ACSL4: variants seen among roughly 807,000 people sequenced by gnomAD.
The protein encoded by ACSL4 is acyl-CoA synthetase long chain family member 4.
Under a neutral mutation model 49.1 loss-of-function variants are expected in ACSL4, and 9 were observed. The ratio of observed to expected loss-of-function variants is 0.18; its 90% CI spans 0.11 to 0.32. The LOEUF is 0.32. Among genes scored for constraint, ACSL4 ranks in the 10% least tolerant of loss-of-function variants. The pLI is 1.00. For missense variants in ACSL4, 333 were observed against 493.7 expected, an observed-to-expected ratio of 0.67 and a Z score of 3.08; for synonymous variants, 191 against 170.3, an observed-to-expected ratio of 1.12 and a Z score of -0.95.
At chrX:109,726,082 A>G (rs1433631264) in intron 1 of ACSL4, among the ~76,000 whole-genome samples, 1 of 111,996 alleles carries the variant, frequency 8.9e-6, no homozygotes, top group Non-Finnish European at 1.9e-5. Context: ...CCCCACTCAT[A>G]TATTGTCAGG....
chrX:109,646,345 G>A (rs1322442948), intron 15 of ACSL4, among the ~76,000 whole-genome samples: 10 of 111,993 alleles, frequency 8.9e-5, no homozygotes, highest in African/African-American at 2.9e-4. Flanking sequence ...CTACAAGCCA[G>A]AAGAGAGTGG....
Position 109,670,674 on chromosome X carries a change from G to A in ACSL4, c.1003-1501C>T, listed in dbSNP as rs771934340. 4.3e-4 allele frequency among the ~76,000 whole-genome samples: 47 copies of A among 109,585 alleles called. 2 individuals are homozygous for A. Among genetic ancestry groups the A allele is most frequent in the Non-Finnish European group, 2.1e-4 (11 of 52,463 alleles). On this transcript the variant is annotated intron_variant, in intron 9 of 15. Transcript: ENST00000672401. ...CTTTGCACGGTCTCCCTCTGATGCC[G>A]AGCGGAGGCTGGACTGTACTGCCGC...
intron 15 of ACSL4, among the ~76,000 whole-genome samples, chrX:109,645,364 C>A (rs1310288763): frequency 8.9e-6 from 1 of 112,265 alleles, no homozygotes; most frequent in Non-Finnish European, 1.9e-5. Context: ...GTCCCTGACC[C>A]CTGACCCCCG....
At chrX:109,683,470 T>G in intron 2 of ACSL4, 95 bp from the exon 3 acceptor site, 2 of 1,208,613 alleles carry the variant, frequency 1.7e-6, no homozygotes, top group Non-Finnish European at 2.2e-6. Flanking sequence ...GGTGAGCACA[T>G]TTAGCTTAAG....
intron 1 of ACSL4, among the ~76,000 whole-genome samples, chrX:109,708,965 G>A (rs1926557970): frequency 9.0e-6 from 1 of 111,680 alleles, no homozygotes; most frequent in Admixed American, 9.5e-5. Context: ...ATCATGAGGG[G>A]TTCTGCACAG....
chrX:109,659,190 T>C (rs1226569357), intron 15 of ACSL4, among the ~76,000 whole-genome samples, 164 bp downstream of exon 15: 4 of 112,201 alleles, frequency 3.6e-5, no homozygotes. Flanking sequence ...CTATATGACA[T>C]TGAAGGATCC....
At chrX:109,644,546 T>C (rs1192677555) in intron 15 of ACSL4, among the ~76,000 whole-genome samples, 2 of 112,099 alleles carry the variant, frequency 1.8e-5, no homozygotes, top group Non-Finnish European at 3.8e-5. Flanking sequence ...AGAGACTTTA[T>C]ATTTGCCTGA....
At chrX:109,657,554 T>C (rs1921784472) in intron 15 of ACSL4, among the ~76,000 whole-genome samples, 1 of 111,327 alleles carries the variant, frequency 9.0e-6, no homozygotes, top group African/African-American at 3.3e-5. Flanking sequence ...AACTCATCCT[T>C]TTTTATGGCT....
chrX:109,666,743 C>T (rs78451141), intron 11 of ACSL4, among the ~76,000 whole-genome samples: 3 of 111,509 alleles, frequency 2.7e-5, no homozygotes, highest in Middle Eastern at 4.6e-3. Flanking sequence ...GGTAAAACCC[C>T]GCTTCTACTA....
chrX:109,718,930 T>G (rs1927336790), intron 1 of ACSL4, among the ~76,000 whole-genome samples: 1 of 111,513 alleles, frequency 9.0e-6, no homozygotes, highest in African/African-American at 3.3e-5. Flanking sequence ...TGTCCTAGTA[T>G]GGCATCCACC....
At chrX:109,646,026 A>G (rs900491675) in intron 15 of ACSL4, among the ~76,000 whole-genome samples, 3 of 112,098 alleles carry the variant, frequency 2.7e-5, no homozygotes, top group Non-Finnish European at 5.6e-5. Context: ...CTATGTGAAA[A>G]GACCAAATCT....
intron 15 of ACSL4, among the ~76,000 whole-genome samples, chrX:109,651,355 C>T (rs1921123452): frequency 8.9e-6 from 1 of 112,142 alleles, no homozygotes; most frequent in African/African-American, 3.2e-5. Flanking sequence ...GCACAAAGAA[C>T]TCACATTCAC....
At chrX:109,694,498 AAAAG>A (rs1925276804) in intron 2 of ACSL4, among the ~76,000 whole-genome samples, 1 of 111,626 alleles carries the variant, frequency 9.0e-6, no homozygotes, top group South Asian at 3.7e-4. Context: ...CAAAAAATGT[AAAAG>A]AAAGAATTAG....
Position 109,721,447 on chromosome X carries a change from AG to A in ACSL4, c.-66+11691del, listed in dbSNP as rs766535045. On this transcript the variant is annotated intron_variant, in intron 1 of 15. Coordinates refer to ENST00000672401, the MANE Select transcript of ACSL4 (RefSeq NM_001318510.2). Reference sequence around the variant, plus strand: ...TAAAACAGAATACCTAAGAAAAAACAGGGGCCAGGCGTGGTGGCTCATGCCT... The same window carrying A: ...TAAAACAGAATACCTAAGAAAAAACAGGGCCAGGCGTGGTGGCTCATGCCT... 1.2e-4 allele frequency among the ~76,000 whole-genome samples: 13 copies of A among 112,374 alleles called. 3 individuals are homozygous for A. Among genetic ancestry groups the A allele is most frequent in the South Asian group, 1.1e-3 (3 of 2,741 alleles).
chrX:109,682,406 C>G (rs1322125998), intron 4 of ACSL4, among the ~76,000 whole-genome samples: 2 of 109,575 alleles, frequency 1.8e-5, no homozygotes, highest in African/African-American at 3.3e-5. Flanking sequence ...AATCATTACT[C>G]TTTGTATATC....
intron 15 of ACSL4, among the ~76,000 whole-genome samples, chrX:109,653,272 T>C (rs1167466647): frequency 9.0e-6 from 1 of 111,679 alleles, no homozygotes; most frequent in Non-Finnish European, 1.9e-5. Flanking sequence ...TCACACCAGT[T>C]AGAATGGCAA....
chrX:109,709,426 G>A (rs1036114933), intron 1 of ACSL4, among the ~76,000 whole-genome samples: 1 of 112,684 alleles, frequency 8.9e-6, no homozygotes, highest in African/African-American at 3.2e-5. Context: ...CATTACAAAT[G>A]TGTACTAGCT....
chrX:109,663,441 C>A lies in ACSL4; in HGVS notation c.1391-39G>T, dbSNP rs184411309. 4,948 of 1,119,328 alleles carry A rather than the reference C, an allele frequency of 4.4e-3. 240 individuals carry two copies. The Admixed American group carries it at 0.1, about 24-fold the overall frequency. The allele number at this position is 1,119,328 out of a possible 1,213,427, so 92.2% of individuals were successfully genotyped here. A position where few individuals can be genotyped will look rare whatever the true frequency, so the allele number is the denominator to read the frequency against. On this transcript the variant is annotated intron_variant, in intron 12 of 15. Coordinates refer to ENST00000672401, the MANE Select transcript of ACSL4 (RefSeq NM_001318510.2). Reference sequence around the variant, plus strand: ...AAGTAAATTAGTTATTGTTCTACAACAAATTTCATTAATTCTTAAAGCTTA... The same window carrying A: ...AAGTAAATTAGTTATTGTTCTACAAAAAATTTCATTAATTCTTAAAGCTTA...
At chrX:109,683,543 C>G (rs956820179) in intron 2 of ACSL4, 168 bp from the exon 3 acceptor site, 2 of 972,369 alleles carry the variant, frequency 2.1e-6, no homozygotes, top group East Asian at 3.1e-5. Flanking sequence ...CTTTTGAAAG[C>G]CTTATTGTGC....
Sources: gnomAD v4.1 joint callset for allele counts (sites outside exome capture counted in the v4.1 genomes callset) on GRCh38, gnomAD v4.1.1 for gene constraint, MANE v1.5 for transcripts, NCBI Gene and HGNC (gene_info 2026-07-23, HGNC 2026-07-21) for gene names.